The following GJD4 variants were observed in gnomAD, a reference collection of about 807,000 sequenced individuals.
The protein encoded by GJD4 is gap junction delta-4 protein.
A neutral mutation model predicts 17.9 loss-of-function variants in GJD4; 18 were observed. The ratio of observed to expected loss-of-function variants is 1.00; its 90% CI spans 0.69 to 1.49. The LOEUF (loss-of-function observed/expected upper bound fraction) is 1.49. GJD4 is among the 40% of genes most tolerant of loss of function. The pLI is 0.00. For synonymous variants in GJD4, 293 were observed against 236.8 expected, an observed-to-expected ratio of 1.24 and a Z score of -2.18; for missense variants, 639 against 506.9, an observed-to-expected ratio of 1.26 and a Z score of -2.50.
At chr10:35,605,749 G>C (rs1835448246) in intron 1 of GJD4, 118 bp downstream of exon 1, 3 of 761,150 alleles carry the variant, frequency 3.9e-6, no homozygotes, top group East Asian at 5.1e-5. Flanking sequence ...GCACCAAGCT[G>C]AAAGTCCACC....
Position 35,607,713 on chromosome 10 carries a change from A to C in GJD4, c.200A>C (p.Asp67Ala), listed in dbSNP as rs149736970. Residue 67 changes from aspartate (D) to alanine (A), a missense_variant, in exon 2 of 2, where the codon GAC becomes GCC. Transcript: ENST00000321660. ...CCGGGATGCGCCAATGTTTGCTACG[A>C]CGTCTTCTCCCCCGTGTCTCACCTG... Reference protein sequence around the residue: ...LQPGCANVCYDVFSPVSHLRF... With the variant: ...LQPGCANVCYAVFSPVSHLRF... The C allele has an allele frequency of 1.9e-6, 3 of 1,613,782 alleles. No homozygotes were observed. The highest frequency in any genetic ancestry group is 1.3e-5 in the African/African-American group (1 of 74,886).
intron 1 of GJD4, chr10:35,605,948 T>A (rs1319697327): frequency 2.8e-6 from 1 of 355,734 alleles, no homozygotes; most frequent in Non-Finnish European, 5.0e-6. Flanking sequence ...GGGGTGTTTG[T>A]GTGCAACCCT....
chr10:35,606,461 C>T (rs541405505), intron 1 of GJD4: 3 of 152,098 alleles, frequency 2.0e-5, no homozygotes, highest in Non-Finnish European at 4.4e-5. Context: ...GCAGACGACT[C>T]ACATTTTCAG....
In GJD4 at chr10:35,608,493, C is replaced by G; in HGVS notation, c.980C>G (p.Ser327Cys). Residue 327 changes from serine (S) to cysteine (C), a missense_variant, in exon 2 of 2, where the codon TCC becomes TGC. By Grantham distance (112) the Ser-to-Cys change is moderately radical. Coordinates refer to ENST00000321660, the MANE Select transcript of GJD4 (RefSeq NM_153368.3). ...GCCCAGGACCCCAGGGGCTCAGGAT[C>G]CGAGGAGCAGCCCTCAGCAGCCCCC... is the stretch of plus-strand genomic sequence containing the variant. ...EAAQDPRGSGSEEQPSAAPSR... is the reference protein window; with the variant it reads ...EAAQDPRGSGCEEQPSAAPSR... 3.2e-6 allele frequency: 5 copies of G among 1,550,008 alleles called. No homozygotes were observed. The highest frequency in any genetic ancestry group is 4.4e-6 in the Non-Finnish European group (5 of 1,147,546).
At chr10:35,605,866 T>G (rs637928) in intron 1 of GJD4, 516,750 of 551,752 alleles carry the variant, frequency 0.94, 242,846 homozygotes, top group East Asian at 0.97. Flanking sequence ...AGTCTTGCGT[T>G]TGACATTGTT....
chr10:35,608,123 G>A lies in GJD4; in HGVS notation c.610G>A (p.Val204Ile). 1 of 1,609,876 alleles carries A rather than the reference G, an allele frequency of 6.2e-7. No individual in the cohort carries two copies. The highest frequency in any genetic ancestry group is 8.5e-7 in the Non-Finnish European group (1 of 1,178,948). ...KSLLMLFLWA[V>I]SALSFLLGLA... ...CCTGCTGATGCTGTTCCTCTGGGCG[G>A]TCAGCGCGCTGTCTTTTCTGCTGGG... Residue 204 changes from valine to isoleucine, a missense_variant, in exon 2 of 2, where the codon GTC becomes ATC. Coordinates refer to ENST00000321660, the MANE Select transcript of GJD4 (RefSeq NM_153368.3).
rs1441923008 is a variant in GJD4 at position 35,608,677 on chromosome 10, C to T, written c.*51C>T. The T allele has an allele frequency of 1.2e-5, 15 of 1,297,476 alleles. No individual in the cohort carries two copies. The East Asian group carries it at 2.6e-4, about 23-fold the overall frequency. 80.4% of individuals were successfully genotyped at this position (1,297,476 alleles called of 1,614,324 possible). On this transcript the variant is annotated 3_prime_UTR_variant, in exon 2 of 2. Coordinates refer to ENST00000321660, the MANE Select transcript of GJD4 (RefSeq NM_153368.3). ...GGGGCTCACGCCTGTAATCCCAACA[C>T]TTTGGGAGGCCCAGGCAGGAGGATC...
Position 35,608,353 on chromosome 10 carries a change from T to A in GJD4, c.840T>A (p.Arg280=), listed in dbSNP as rs764556009. 35 of 1,551,428 alleles carry A rather than the reference T, an allele frequency of 2.3e-5. No individual in the cohort carries two copies. Among genetic ancestry groups the A allele is most frequent in the Non-Finnish European group, 3.0e-5 (35 of 1,148,478 alleles). The change falls in exon 2 of 2, where the codon CGT becomes CGA. Residue 280 remains arginine (R), a synonymous_variant. Transcript: ENST00000321660. ...GGGAGGGGGCTGGCAGCCCCAGGCGTACATCCAGGGTGTCAGGGCACACGA... is the reference window on the plus strand; with the variant it reads ...GGGAGGGGGCTGGCAGCCCCAGGCGAACATCCAGGGTGTCAGGGCACACGA... ...AGGEGAGSPR[R]TSRVSGHTKI... is the part of the protein sequence containing the mutation.
intron 1 of GJD4, 200 bp downstream of exon 1, chr10:35,605,831 C>G: frequency 3.4e-6 from 2 of 594,602 alleles, no homozygotes; most frequent in Non-Finnish European, 6.0e-6. Flanking sequence ...TTGAATGGTT[C>G]CGCGGTTCCT....
In GJD4 at chr10:35,608,535, C is replaced by T. The variant is rs777579109; in HGVS notation, c.1022C>T (p.Pro341Leu). ...PSAAPSRLAA[P>L]PSCSSLQPPD... ...GCAGCCCCCAGCCGCCTGGCCGCGC[C>T]CCCTTCCTGCAGCAGCCTGCAGCCC... is the stretch of plus-strand genomic sequence containing the variant. Residue 341 changes from proline (P) to leucine (L), a missense_variant, in exon 2 of 2, where the codon CCC (proline) becomes CTC (leucine). Transcript: ENST00000321660. The T allele has an allele frequency of 6.4e-7, 1 of 1,557,816 alleles. No homozygotes were observed. The highest frequency in any genetic ancestry group is 1.4e-5 in the African/African-American group (1 of 73,276).
At position 35,608,323 on chromosome 10, in the gene GJD4, C is replaced by T. The variant is rs1835490767; in HGVS notation, c.810C>T (p.Ala270=). ...EGAPAPPGAR[A]GGEGAGSPRR... The stretch of plus-strand genomic sequence containing the variant: ...CACCGGCGCCCCCGGGTGCACGCGC[C>T]GGAGGGGAGGGGGCTGGCAGCCCCA... The change falls in exon 2 of 2, where the codon GCC becomes GCT. Residue 270 remains alanine (A), a synonymous_variant. Transcript: ENST00000321660. The T allele has an allele frequency of 2.6e-6, 4 of 1,548,494 alleles. No individual in the cohort carries two copies. Among genetic ancestry groups the T allele is most frequent in the Non-Finnish European group, 3.5e-6 (4 of 1,147,926 alleles).
chr10:35,608,733 T>C lies in GJD4; in HGVS notation c.*107T>C, dbSNP rs916139448. The C allele has an allele frequency of 6.7e-5, 53 of 792,950 alleles. No individual in the cohort carries two copies. Among genetic ancestry groups the C allele is most frequent in the Non-Finnish European group, 9.9e-5 (51 of 512,832 alleles). The allele number at this position is 792,950 out of a possible 1,614,324, so 49.1% of individuals were successfully genotyped here. A position where few individuals can be genotyped will look rare whatever the true frequency, so the allele number is the denominator to read the frequency against. Reference sequence around the variant, plus strand: ...AGAATATATCTCCTTGCCCAAGAGTTTGAGACCAGCCTGGACAACATAATG... The same window carrying C: ...AGAATATATCTCCTTGCCCAAGAGTCTGAGACCAGCCTGGACAACATAATG... On this transcript the variant is annotated 3_prime_UTR_variant, in exon 2 of 2. Coordinates refer to ENST00000321660, the MANE Select transcript of GJD4 (RefSeq NM_153368.3).
chr10:35,607,998 A>G lies in GJD4; in HGVS notation c.485A>G (p.Tyr162Cys). Residue 162 changes from tyrosine to cysteine, a missense_variant, in exon 2 of 2, where the codon TAC becomes TGC. Physicochemically the swap from Tyr to Cys is radical, Grantham distance 194. Transcript: ENST00000321660. ...LLEAAFGALH[Y>C]FLFGFLAPKK... Reference sequence around the variant, plus strand: ...GAGGCAGCCTTCGGGGCCTTGCACTACTTTCTCTTTGGATTCCTGGCCCCG... The same window carrying G: ...GAGGCAGCCTTCGGGGCCTTGCACTGCTTTCTCTTTGGATTCCTGGCCCCG... The G allele has an allele frequency of 1.9e-6, 3 of 1,611,714 alleles. No homozygotes were observed. The highest frequency in any genetic ancestry group is 2.5e-6 in the Non-Finnish European group (3 of 1,179,536).
At position 35,605,634 on chromosome 10, in the gene GJD4, G is replaced by A. The variant is rs1835445233; in HGVS notation, c.64+3G>A. 6.2e-7 allele frequency: 1 copy of A among 1,610,142 alleles called. No homozygotes were observed. The highest frequency in any genetic ancestry group is 8.5e-7 in the Non-Finnish European group (1 of 1,176,338). ...AAACTGCAACGTGACCATGGTGGGT[G>A]AGTATTGGGACCATCTCCAAACTCC... On this transcript the variant is annotated splice_donor_region_variant and intron_variant, in intron 1 of 1. Transcript: ENST00000321660.
In GJD4 at chr10:35,608,853, A is replaced by G. The variant is rs1007416087; in HGVS notation, c.*227A>G. ...CTTGGGAGGCTGAGATGGGAGGACC[A>G]TTTGAGCCTGGGAGATCGAGGCTGC... On this transcript the variant is annotated 3_prime_UTR_variant, in exon 2 of 2. Coordinates refer to ENST00000321660, the MANE Select transcript of GJD4 (RefSeq NM_153368.3). 9.9e-6 allele frequency: 4 copies of G among 405,244 alleles called. No individual in the cohort carries two copies. The Admixed American group carries it at 1.3e-4, about 13-fold the overall frequency. 25.1% of individuals were successfully genotyped at this position (405,244 alleles called of 1,614,324 possible). A position where few individuals can be genotyped will look rare whatever the true frequency, so the allele number is the denominator to read the frequency against.
In GJD4 at chr10:35,607,905, G is replaced by A. The variant is rs776825225; in HGVS notation, c.392G>A (p.Arg131His). 4.4e-6 allele frequency: 7 copies of A among 1,596,212 alleles called. No individual in the cohort carries two copies. The Admixed American group carries it at 1.2e-4, about 27-fold the overall frequency. Residue 131 changes from arginine (R) to histidine (H), a missense_variant, in exon 2 of 2, where the codon CGC becomes CAC. By Grantham distance (29) the Arg-to-His change is conservative. Transcript: ENST00000321660. The stretch of plus-strand genomic sequence containing the variant: ...CGCTGCCCGCGGCCATTCGGGGAGC[G>A]CGGCGGCCTCCAGGTGCCCGACTTT... ...QRRCPRPFGE[R>H]GGLQVPDFSA... is the part of the protein sequence containing the mutation.
Position 35,605,597 on chromosome 10 carries a change from C to T in GJD4, c.30C>T (p.Leu10=), listed in dbSNP as rs761080783. The stretch of plus-strand genomic sequence containing the variant: ...AAGGCGTGGACTTGCTAGGGTTTCT[C>T]ATCATCACATTAAACTGCAACGTGA... MEGVDLLGF[L]IITLNCNVTM... The change falls in exon 1 of 2, where the codon CTC becomes CTT. Residue 10 remains leucine (L), a synonymous_variant. Coordinates refer to ENST00000321660, the MANE Select transcript of GJD4 (RefSeq NM_153368.3). 7.4e-6 allele frequency: 12 copies of T among 1,613,942 alleles called. No homozygotes were observed. The highest frequency in any genetic ancestry group is 8.5e-7 in the Non-Finnish European group (1 of 1,179,894).
At position 35,608,005 on chromosome 10, in the gene GJD4, C is replaced by G. The variant is rs1564471026; in HGVS notation, c.492C>G (p.Leu164=). ...EAAFGALHYF[L]FGFLAPKKFP... ...CCTTCGGGGCCTTGCACTACTTTCTCTTTGGATTCCTGGCCCCGAAGAAGT... is the reference window on the plus strand; with the variant it reads ...CCTTCGGGGCCTTGCACTACTTTCTGTTTGGATTCCTGGCCCCGAAGAAGT... Residue 164 remains leucine (L), a synonymous_variant, in exon 2 of 2, where the codon CTC becomes CTG. Coordinates refer to ENST00000321660, the MANE Select transcript of GJD4 (RefSeq NM_153368.3). The G allele has an allele frequency of 1.2e-6, 2 of 1,612,024 alleles. No individual in the cohort carries two copies. Among genetic ancestry groups the G allele is most frequent in the African/African-American group, 2.7e-5 (2 of 74,898 alleles).
At chr10:35,605,907 G>T in intron 1 of GJD4, 1 of 454,356 alleles carries the variant, frequency 2.2e-6, no homozygotes, top group Non-Finnish European at 3.9e-6. Flanking sequence ...CTGACACTGG[G>T]GTGCTGACTC....
Sources: allele counts gnomAD v4.1 joint callset, GRCh38; gene constraint gnomAD v4.1.1; transcripts MANE v1.5; gene names NCBI Gene and HGNC (gene_info 2026-07-23, HGNC 2026-07-21).